The following ATRNL1 variants were observed in gnomAD, a reference collection of about 807,000 sequenced individuals.
ATRNL1 encodes the protein attractin-like protein 1.
ATRNL1 carries 95 observed loss-of-function variants against 182.7 expected under a neutral mutation model. That is an observed-to-expected ratio of 0.52 (90% confidence interval 0.44 to 0.62). The LOEUF (loss-of-function observed/expected upper bound fraction) is 0.62. ATRNL1 is among the 20% of genes least tolerant of loss of function. ATRNL1 has a pLI of 0.00. For missense variants in ATRNL1, 1,471 were observed against 1,679.5 expected (o/e 0.88, Z 2.17); for synonymous variants, 576 against 568.3 (o/e 1.01, Z -0.19).
chr10:115,782,014 G>T (rs778719474), intron 27 of ATRNL1, among the ~76,000 whole-genome samples: 2 of 152,076 alleles, frequency 1.3e-5, no homozygotes, highest in Non-Finnish European at 2.9e-5. Context: ...TAGGATATTT[G>T]TTCCAAATGA....
rs77761507 is a variant in ATRNL1 at position 115,849,718 on chromosome 10, T to C, written c.4018+1727T>C. ...AAACTAACATCATAAATGAGGGGAG[T>C]GAGACGTAGAAAGCACTGTATATCT... On this transcript the variant is annotated intron_variant, in intron 28 of 28. Coordinates refer to ENST00000355044, the MANE Select transcript of ATRNL1 (RefSeq NM_207303.4). 3.2e-4 allele frequency among the ~76,000 whole-genome samples: 48 copies of C among 152,088 alleles called. No homozygotes were observed. In the East Asian group the frequency reaches 5.2e-3, roughly 17 times the overall value.
intron 8 of ATRNL1, among the ~76,000 whole-genome samples, chr10:115,177,903 G>GTTTTTTTTTT (rs147613896): frequency 9.8e-6 from 1 of 102,062 alleles, no homozygotes; most frequent in Non-Finnish European, 1.9e-5. Context: ...TTGTTTTTTT[G>GTTTTTTTTTT]TTTTTTTTGT....
intron 24 of ATRNL1, among the ~76,000 whole-genome samples, chr10:115,474,749 C>A (rs1279261520): frequency 6.6e-6 from 1 of 151,254 alleles, no homozygotes; most frequent in Non-Finnish European, 1.5e-5. Flanking sequence ...CAAATTTTGA[C>A]AAACAATGAA....
intron 27 of ATRNL1, among the ~76,000 whole-genome samples, chr10:115,773,369 A>T (rs1438764239): frequency 6.6e-6 from 1 of 152,214 alleles, no homozygotes; most frequent in African/African-American, 2.4e-5. Flanking sequence ...TCTGGACTAC[A>T]AAGGGAGCAC....
chr10:115,454,351 T>C (rs1209202413), intron 21 of ATRNL1, among the ~76,000 whole-genome samples: 1 of 152,162 alleles, frequency 6.6e-6, no homozygotes, highest in African/African-American at 2.4e-5. Flanking sequence ...CAGCCTTTTT[T>C]CTTCTTGGTC....
chr10:115,357,330 GT>G (rs1375117127), intron 19 of ATRNL1, among the ~76,000 whole-genome samples: 1 of 151,754 alleles, frequency 6.6e-6, no homozygotes, highest in Non-Finnish European at 1.5e-5. Flanking sequence ...CATACTTTTG[GT>G]TTTATTCTGA....
intron 28 of ATRNL1, 38 bp from the exon 29 acceptor site, chr10:115,944,620 C>G (rs1953831554): frequency 2.5e-6 from 4 of 1,570,468 alleles, no homozygotes; most frequent in Non-Finnish European, 3.5e-6. Context: ...CCAGAAATGT[C>G]TAAGCAAGCA....
chr10:115,807,332 TCTCAAA>T, intron 27 of ATRNL1, among the ~76,000 whole-genome samples: 1 of 152,232 alleles, frequency 6.6e-6, no homozygotes, highest in East Asian at 1.9e-4. Flanking sequence ...GCCAGGCTGT[TCTCAAA>T]CTCCTGGCCT....
intron 28 of ATRNL1, among the ~76,000 whole-genome samples, chr10:115,893,539 C>G (rs1364811749): frequency 6.6e-6 from 1 of 152,152 alleles, no homozygotes; most frequent in African/African-American, 2.4e-5. Flanking sequence ...ATAATTCGTT[C>G]TTTTTCTTTA....
intron 8 of ATRNL1, among the ~76,000 whole-genome samples, chr10:115,200,749 G>T (rs1848538011): frequency 6.5e-5 from 9 of 138,986 alleles, no homozygotes; most frequent in African/African-American, 8.3e-5. Context: ...ACCCAGTAAT[G>T]GGATGGCTGG....
At chr10:115,377,656 G>T (rs1203214716) in intron 19 of ATRNL1, among the ~76,000 whole-genome samples, 1 of 152,152 alleles carries the variant, frequency 6.6e-6, no homozygotes, top group African/African-American at 2.4e-5. Context: ...CAGCTGAGGA[G>T]CAAACACCTC....
chr10:115,584,436 T>C (rs1175335528), intron 26 of ATRNL1, among the ~76,000 whole-genome samples: 4 of 141,762 alleles, frequency 2.8e-5, no homozygotes, highest in Non-Finnish European at 6.2e-5. Flanking sequence ...ATGGTGTTAT[T>C]GGTCTATTCA....
chr10:115,321,206 C>T (rs116473090), intron 18 of ATRNL1, among the ~76,000 whole-genome samples: 1,969 of 152,180 alleles, frequency 0.013, 38 homozygotes, highest in African/African-American at 0.044. Flanking sequence ...TCATCTGCTT[C>T]GCTCCTGCCC....
At chr10:115,518,877 G>GTA (rs35106808) in intron 24 of ATRNL1, among the ~76,000 whole-genome samples, 60,794 of 151,166 alleles carry the variant, frequency 0.4, 12,624 homozygotes, top group Middle Eastern at 0.48. Context: ...CAAAACATTT[G>GTA]TATATATATA....
Position 115,315,658 on chromosome 10 carries a change from C to T in ATRNL1, c.2959C>T (p.His987Tyr), listed in dbSNP as rs1554929410. 3 of 1,613,842 alleles carry T rather than the reference C, an allele frequency of 1.9e-6. No homozygotes were observed. Among genetic ancestry groups the T allele is most frequent in the South Asian group, 1.1e-5 (1 of 91,074 alleles). The change falls in exon 18 of 29, where the codon CAC (histidine) becomes TAC (tyrosine). Residue 987 changes from histidine (H) to tyrosine (Y), a missense_variant. His to Tyr is a moderately conservative substitution (Grantham distance 83). Around this residue, in one of 3 missense-constraint regions of ATRNL1, gnomAD observed 437 missense variants for 506.0 expected, o/e 0.86. Transcript: ENST00000355044. Reference protein sequence around the residue: ...SRGPMKLIGMHHSEMVLDTNL... With the variant: ...SRGPMKLIGMYHSEMVLDTNL... Reference sequence around the variant, plus strand: ...GGGACCAATGAAGCTTATTGGAATGCACCACAGTGAGATGGTTCTTGACAC... The same window carrying T: ...GGGACCAATGAAGCTTATTGGAATGTACCACAGTGAGATGGTTCTTGACAC...
intron 19 of ATRNL1, among the ~76,000 whole-genome samples, chr10:115,384,723 G>T (rs1341167851): frequency 6.6e-6 from 1 of 151,804 alleles, no homozygotes; most frequent in Non-Finnish European, 1.5e-5. Flanking sequence ...AGACAAGCTA[G>T]ATTTGGCTCA....
intron 8 of ATRNL1, among the ~76,000 whole-genome samples, chr10:115,176,630 A>G (rs1364511446): frequency 6.6e-6 from 1 of 152,088 alleles, no homozygotes; most frequent in Non-Finnish European, 1.5e-5. Context: ...GCAGCTGGAA[A>G]GATGAAATTG....
intron 19 of ATRNL1, among the ~76,000 whole-genome samples, chr10:115,377,472 G>A (rs1004433893): frequency 6.6e-6 from 1 of 152,104 alleles, no homozygotes; most frequent in Admixed American, 6.5e-5. Context: ...GGACTAATAC[G>A]GTTGTCTATC....
At chr10:115,936,676 C>G (rs1302976876) in intron 28 of ATRNL1, among the ~76,000 whole-genome samples, 1 of 152,128 alleles carries the variant, frequency 6.6e-6, no homozygotes, top group Non-Finnish European at 1.5e-5. Context: ...TACAATGTCT[C>G]TACCAAATGA....
Sources: allele counts gnomAD v4.1 joint callset (sites outside exome capture counted in the v4.1 genomes callset), GRCh38; gene constraint gnomAD v4.1.1; regional missense constraint gnomAD v4.1.1; transcripts MANE v1.5; gene names NCBI Gene and HGNC (gene_info 2026-07-23, HGNC 2026-07-21).